The following TSTD2 variants were observed in gnomAD, a reference collection of about 807,000 sequenced individuals.
TSTD2 encodes the protein thiosulfate sulfurtransferase like domain containing 2.
Under a neutral mutation model 47.9 loss-of-function variants are expected in TSTD2, and 37 were observed. The observed-to-expected ratio is 0.77, with a 90% CI of 0.59 to 1.02. The LOEUF is 1.02. Among genes scored for constraint, TSTD2 ranks in the 50% least tolerant of loss-of-function variants. TSTD2 has a pLI of 0.00. For missense variants in TSTD2, 586 were observed against 616.0 expected, an observed-to-expected ratio of 0.95 and a Z score of 0.52; for synonymous variants, 201 against 215.9, an observed-to-expected ratio of 0.93 and a Z score of 0.61.
intron 1 of TSTD2, among the ~76,000 whole-genome samples, chr9:97,630,718 A>G (rs913135679): frequency 6.6e-6 from 1 of 152,226 alleles, no homozygotes; most frequent in African/African-American, 2.4e-5. Context: ...ATTACCCATG[A>G]ATTAAGAATT....
intron 5 of TSTD2, 77 bp downstream of exon 5, chr9:97,611,497 T>G: frequency 6.8e-7 from 1 of 1,476,012 alleles, no homozygotes; most frequent in Middle Eastern, 2.0e-4. Context: ...TTTCTCTACT[T>G]TGAACTCCTC....
chr9:97,601,252 G>A lies in TSTD2; in HGVS notation c.*1217C>T, dbSNP rs1826251876. ...TATAATATTAAATCTGTTGGTCTAT[G>A]CATGGCTGCGTATGTGTTTCTTGGA... On this transcript the variant is annotated 3_prime_UTR_variant, in exon 10 of 10. Transcript: ENST00000341170. 8.1e-7 allele frequency: 1 copy of A among 1,227,778 alleles called. No homozygotes were observed. Among genetic ancestry groups the A allele is most frequent in the South Asian group, 1.5e-5 (1 of 68,804 alleles). The allele number at this position is 1,227,778 out of a possible 1,614,324, so 76.1% of individuals were successfully genotyped here.
chr9:97,622,290 A>C (rs761435115), intron 3 of TSTD2, among the ~76,000 whole-genome samples: 7 of 152,224 alleles, frequency 4.6e-5, no homozygotes, highest in Non-Finnish European at 1.0e-4. Context: ...GCAAGCCTCA[A>C]GCCTTGGCAG....
chr9:97,614,487 C>A (rs1272046603), intron 4 of TSTD2, among the ~76,000 whole-genome samples: 1 of 152,012 alleles, frequency 6.6e-6, no homozygotes, highest in Non-Finnish European at 1.5e-5. Context: ...AAATTCCTGT[C>A]CTCATGAAGC....
In TSTD2 at chr9:97,632,810, T is replaced by C. The variant is rs925376289; in HGVS notation, c.-51+433A>G. On this transcript the variant is annotated intron_variant, in intron 1 of 9. Transcript: ENST00000341170. ...GAGGGAAAAGAGCTAAGAAAGACTC[T>C]AAATTTTTGGATTAAGCGGCCGACG... 4.6e-5 allele frequency among the ~76,000 whole-genome samples: 7 copies of C among 152,326 alleles called. No homozygotes were observed. The South Asian group carries it at 1.0e-3, about 23-fold the overall frequency.
At position 97,600,826 on chromosome 9, in the gene TSTD2, T is replaced by C. The variant is rs985513122; in HGVS notation, c.*1643A>G. 6 of 1,077,588 alleles carry C rather than the reference T, an allele frequency of 5.6e-6. No individual in the cohort carries two copies. In the African/African-American group the frequency reaches 8.4e-5, roughly 15 times the overall value. The allele number at this position is 1,077,588 out of a possible 1,614,324, so 66.8% of individuals were successfully genotyped here. On this transcript the variant is annotated 3_prime_UTR_variant, in exon 10 of 10. Transcript: ENST00000341170. ...GCTGCCAGATCTCTTTTTAACATCA[T>C]GTGCGTCTCTTGGGATCCAGCAAAA...
At chr9:97,628,556 T>A (rs984945881) in intron 1 of TSTD2, among the ~76,000 whole-genome samples, 2 of 152,184 alleles carry the variant, frequency 1.3e-5, no homozygotes, top group African/African-American at 2.4e-5. Flanking sequence ...ATTAATATTT[T>A]AATTGAATGC....
Position 97,602,776 on chromosome 9 carries a change from G to T in TSTD2, c.1253-9C>A, listed in dbSNP as rs926695745. 1 of 1,593,508 alleles carries T rather than the reference G, an allele frequency of 6.3e-7. No homozygotes were observed. Among genetic ancestry groups the T allele is most frequent in the Non-Finnish European group, 8.6e-7 (1 of 1,167,594 alleles). Reference sequence around the variant, plus strand: ...TCCACAGTATGAACACTCTGGGGAGGAAGGAAAAGCCATCATTATAAACAC... The same window carrying T: ...TCCACAGTATGAACACTCTGGGGAGTAAGGAAAAGCCATCATTATAAACAC... On this transcript the variant is annotated splice_polypyrimidine_tract_variant and intron_variant, in intron 9 of 9. Coordinates refer to ENST00000341170, the MANE Select transcript of TSTD2 (RefSeq NM_139246.5).
intron 4 of TSTD2, among the ~76,000 whole-genome samples, chr9:97,615,246 G>A (rs1323717839): frequency 6.6e-6 from 1 of 152,188 alleles, no homozygotes; most frequent in Non-Finnish European, 1.5e-5. Context: ...AAGAAACTGA[G>A]AAGAACAATC....
At chr9:97,607,034 T>C (rs1813406142) in intron 6 of TSTD2, among the ~76,000 whole-genome samples, 1 of 152,108 alleles carries the variant, frequency 6.6e-6, no homozygotes, top group Non-Finnish European at 1.5e-5. Context: ...GCCATGGTAG[T>C]GTGTGCCTGT....
chr9:97,621,281 C>T (rs1316168854), intron 3 of TSTD2, among the ~76,000 whole-genome samples: 2 of 152,108 alleles, frequency 1.3e-5, no homozygotes, highest in South Asian at 2.1e-4. Flanking sequence ...TCTCTTAATC[C>T]CGTCATCTTC....
intron 3 of TSTD2, among the ~76,000 whole-genome samples, chr9:97,623,251 C>G (rs1826668859): frequency 1.3e-5 from 2 of 152,200 alleles, no homozygotes; most frequent in Admixed American, 1.3e-4. Flanking sequence ...TGCACAAGCT[C>G]TCTCTCTTTG....
Position 97,600,282 on chromosome 9 carries a change from A to G in TSTD2, c.*2187T>C, listed in dbSNP as rs2080483911. On this transcript the variant is annotated 3_prime_UTR_variant, in exon 10 of 10. Coordinates refer to ENST00000341170, the MANE Select transcript of TSTD2 (RefSeq NM_139246.5). ...AGCCACTGAACTCTGCCAGGAGTCA[A>G]CATGAGATTCCTTTTGCTGGATATG... The G allele has an allele frequency of 1.0e-6, 1 of 986,210 alleles. No individual in the cohort carries two copies. Among genetic ancestry groups the G allele is most frequent in the African/African-American group, 1.7e-5 (1 of 57,254 alleles). The allele number at this position is 986,210 out of a possible 1,614,324, so 61.1% of individuals were successfully genotyped here.
intron 7 of TSTD2, 142 bp downstream of exon 7, chr9:97,606,001 G>A: frequency 1.4e-6 from 1 of 729,122 alleles, no homozygotes; most frequent in Non-Finnish European, 2.4e-6. Context: ...TAGGACTTGG[G>A]TTTTCTCTGA....
rs376788241 is a variant in TSTD2 at position 97,622,978 on chromosome 9, A to G, written c.482+2703T>C. On this transcript the variant is annotated intron_variant, in intron 3 of 9. Transcript: ENST00000341170. The stretch of plus-strand genomic sequence containing the variant: ...TGTGGACTTTTGAGTTAATGCTGAA[A>G]TAAGACTTTGGAGACTGTTGGGAAG... Among the ~76,000 whole-genome samples the G allele has an allele frequency of 1.2e-4, 18 of 152,338 alleles. No homozygotes were observed. In the South Asian group the frequency reaches 3.5e-3, roughly 30 times the overall value.
chr9:97,631,219 C>T (rs1172154717), intron 1 of TSTD2, among the ~76,000 whole-genome samples: 11 of 152,020 alleles, frequency 7.2e-5, no homozygotes, highest in Admixed American at 5.9e-4. Context: ...CAGGTTCAAG[C>T]GATTCTCCTG....
Position 97,617,774 on chromosome 9 carries a change from G to A in TSTD2, c.586C>T (p.Leu196=). The change falls in exon 4 of 10, where the codon CTG becomes TTG. Residue 196 remains leucine, a synonymous_variant. Transcript: ENST00000341170. ...CAWQTALCQH[L]HLTGKIRIAA... is the part of the protein sequence containing the mutation. ...GGTGTTACCTTGCCTGTGAGGTGCA[G>A]GTGCTGACACAGAGCTGTCTGCCAG... The A allele has an allele frequency of 6.2e-7, 1 of 1,613,912 alleles. No individual in the cohort carries two copies. The highest frequency in any genetic ancestry group is 1.1e-5 in the South Asian group (1 of 91,044).
intron 2 of TSTD2, 58 bp downstream of exon 2, chr9:97,627,340 C>T (rs567787759): frequency 6.6e-7 from 1 of 1,504,036 alleles, no homozygotes; most frequent in Admixed American, 2.1e-5. Flanking sequence ...AACCGACTTC[C>T]AAATGTATCT....
chr9:97,628,688 T>C (rs1372603080), intron 1 of TSTD2, among the ~76,000 whole-genome samples: 1 of 152,234 alleles, frequency 6.6e-6, no homozygotes, highest in Non-Finnish European at 1.5e-5. Flanking sequence ...GCTTGTTAAC[T>C]ACTCCCAAAA....
Sources: allele counts gnomAD v4.1 joint callset (sites outside exome capture counted in the v4.1 genomes callset), GRCh38; gene constraint gnomAD v4.1.1; transcripts MANE v1.5; gene names NCBI Gene and HGNC (gene_info 2026-07-23, HGNC 2026-07-21).